WDR49: variants seen among roughly 807,000 people sequenced by gnomAD.
WDR49 encodes the protein WD repeat domain 49, also known as cilia- and flagella-associated protein 337.
In WDR49, 107 loss-of-function variants were observed where a neutral mutation model predicts 119.5. The observed-to-expected ratio is 0.90, with a 90% CI of 0.77 to 1.05. The LOEUF is 1.05. Among genes scored for constraint, WDR49 ranks in the 50% least tolerant of loss-of-function variants. WDR49 has a pLI of 0.00. For synonymous variants in WDR49, 425 were observed against 418.8 expected, an observed-to-expected ratio of 1.01 and a Z score of -0.18; for missense variants, 1,240 against 1,220.5, an observed-to-expected ratio of 1.02 and a Z score of -0.24.
intron 14 of WDR49, among the ~76,000 whole-genome samples, chr3:167,528,594 C>T (rs1445865254): frequency 6.6e-6 from 1 of 150,532 alleles, no homozygotes; most frequent in African/African-American, 2.5e-5. Flanking sequence ...TGGAACACTC[C>T]TGTAGTCCTA....
chr3:167,498,581 T>C (rs1751446231), intron 18 of WDR49, among the ~76,000 whole-genome samples: 1 of 151,952 alleles, frequency 6.6e-6, no homozygotes, highest in African/African-American at 2.4e-5. Context: ...TGATGACAAG[T>C]TTTAAAAGGT....
intron 12 of WDR49, among the ~76,000 whole-genome samples, chr3:167,531,839 T>C (rs1364962174): frequency 6.6e-6 from 1 of 152,148 alleles, no homozygotes; most frequent in African/African-American, 2.4e-5. Context: ...AGTCTGCCCA[T>C]AGTTATGAAA....
chr3:167,594,593 C>T (rs1010279942), intron 7 of WDR49, among the ~76,000 whole-genome samples: 2 of 152,122 alleles, frequency 1.3e-5, no homozygotes, highest in East Asian at 1.9e-4. Flanking sequence ...GGAAGCAGAA[C>T]ATAAAAGTTT....
intron 10 of WDR49, among the ~76,000 whole-genome samples, chr3:167,547,455 A>T (rs1213025836): frequency 6.6e-6 from 1 of 151,862 alleles, no homozygotes; most frequent in African/African-American, 2.4e-5. Flanking sequence ...TACAACCCAC[A>T]TCTAACGTCA....
chr3:167,522,859 C>T (rs1334296996), intron 15 of WDR49, among the ~76,000 whole-genome samples: 1 of 152,170 alleles, frequency 6.6e-6, no homozygotes, highest in African/African-American at 2.4e-5. Flanking sequence ...CCCTCAACTA[C>T]TTTATTTGCG....
chr3:167,520,243 C>CA (rs556160602), intron 16 of WDR49, among the ~76,000 whole-genome samples: 3,289 of 124,814 alleles, frequency 0.026, 92 homozygotes, highest in African/African-American at 0.079. Context: ...AAGACAGCCT[C>CA]AAAAAAAAAA....
intron 18 of WDR49, among the ~76,000 whole-genome samples, chr3:167,492,398 G>T (rs1210254328): frequency 2.0e-5 from 3 of 151,900 alleles, no homozygotes; most frequent in African/African-American, 7.3e-5. Flanking sequence ...TCCCATCTAG[G>T]CTCTACCTTT....
At chr3:167,551,173 T>G (rs886936854) in intron 10 of WDR49, among the ~76,000 whole-genome samples, 10 of 152,024 alleles carry the variant, frequency 6.6e-5, no homozygotes, top group Non-Finnish European at 1.5e-5. Flanking sequence ...GACCCAAACA[T>G]TCATATTTAC....
chr3:167,624,268 G>C (rs570630745), intron 3 of WDR49, among the ~76,000 whole-genome samples: 2 of 151,494 alleles, frequency 1.3e-5, no homozygotes, highest in East Asian at 3.9e-4. Context: ...TGCACAAAAT[G>C]GAAGGCTGCA....
intron 2 of WDR49, among the ~76,000 whole-genome samples, chr3:167,636,095 G>C (rs1717605496): frequency 6.6e-6 from 1 of 151,590 alleles, no homozygotes; most frequent in African/African-American, 2.4e-5. Context: ...CCAATTTATA[G>C]TCTTTCATTC....
chr3:167,632,858 C>A (rs1331994664), intron 2 of WDR49, among the ~76,000 whole-genome samples: 1 of 151,952 alleles, frequency 6.6e-6, no homozygotes, highest in African/African-American at 2.4e-5. Flanking sequence ...TAAGTCTTAG[C>A]CCCAATTATG....
chr3:167,555,465 A>C (rs1488017838), intron 9 of WDR49, among the ~76,000 whole-genome samples: 6 of 152,334 alleles, frequency 3.9e-5, no homozygotes, highest in African/African-American at 1.4e-4. Context: ...CAAATTAATC[A>C]GATCCAAGGA....
At chr3:167,515,288 CACAA>C (rs985124924) in intron 16 of WDR49, among the ~76,000 whole-genome samples, 20 of 152,262 alleles carry the variant, frequency 1.3e-4, no homozygotes, top group African/African-American at 4.6e-4. Context: ...GCGTATCCAC[CACAA>C]TCAAGTTGGC....
At chr3:167,546,171 T>C (rs917600095) in intron 10 of WDR49, among the ~76,000 whole-genome samples, 4 of 151,926 alleles carry the variant, frequency 2.6e-5, no homozygotes, top group African/African-American at 7.2e-5. Flanking sequence ...TTTGCCAAGA[T>C]ACTCATATTA....
intron 3 of WDR49, among the ~76,000 whole-genome samples, chr3:167,622,094 C>G (rs963527105): frequency 1.3e-5 from 2 of 152,026 alleles, no homozygotes; most frequent in Non-Finnish European, 2.9e-5. Context: ...GGCTATTTTA[C>G]AAAGGGGAAA....
intron 5 of WDR49, among the ~76,000 whole-genome samples, chr3:167,610,349 C>T (rs903609432): frequency 2.6e-5 from 4 of 152,150 alleles, no homozygotes; most frequent in Non-Finnish European, 4.4e-5. Context: ...GCACTGACGA[C>T]AAGCTGACTT....
chr3:167,596,978 C>T (rs1715497640), intron 7 of WDR49, among the ~76,000 whole-genome samples: 2 of 149,602 alleles, frequency 1.3e-5, no homozygotes, highest in South Asian at 4.2e-4. Context: ...AAGAAAAACC[C>T]ATTTTTTAGG....
chr3:167,635,719 C>G (rs934881727), intron 2 of WDR49, among the ~76,000 whole-genome samples: 26 of 151,554 alleles, frequency 1.7e-4, no homozygotes, highest in African/African-American at 6.3e-4. Context: ...GCCCTTAAGT[C>G]ATTGGTGAGT....
At chr3:167,636,977 T>A (rs2108336257) in intron 2 of WDR49, among the ~76,000 whole-genome samples, 1 of 152,106 alleles carries the variant, frequency 6.6e-6, no homozygotes, top group Middle Eastern at 3.4e-3. Context: ...CCTTTTGTTA[T>A]GCAAAAGCTC....
Sources: gnomAD v4.1 joint callset for allele counts (sites outside exome capture counted in the v4.1 genomes callset) on GRCh38, gnomAD v4.1.1 for gene constraint, MANE v1.5 for transcripts, NCBI Gene and HGNC (gene_info 2026-07-23, HGNC 2026-07-21) for gene names.